Variants in BID observed in about 807,000 individuals in gnomAD.
BID encodes the protein BH3-interacting domain death agonist.
Under a neutral mutation model 17.4 loss-of-function variants are expected in BID, and 19 were observed. That is an observed-to-expected ratio of 1.09 (90% CI 0.76 to 1.60). The LOEUF is 1.60. BID is among the 40% of genes most tolerant of loss of function. BID has a pLI of 0.00. For missense variants in BID, 226 were observed against 256.0 expected, an observed-to-expected ratio of 0.88 and a Z score of 0.80; for synonymous variants, 108 against 102.8, an observed-to-expected ratio of 1.05 and a Z score of -0.31.
At chr22:17,740,334 G>GATTAC in intron 3 of BID, 3 of 671,360 alleles carry the variant, frequency 4.5e-6, no homozygotes, top group Non-Finnish European at 5.3e-6. Flanking sequence ...AGTGCTTTGG[G>GATTAC]AGGCTGAGGA....
rs738096 is a variant in BID at position 17,773,177 on chromosome 22, C to T, written c.-59+1204G>A. The stretch of plus-strand genomic sequence containing the variant: ...AGGGGCAGGGACGCACACCCTGGGC[C>T]GCAGGCAGAGGCTTGGCCAGGGTCG... On this transcript the variant is annotated intron_variant, in intron 1 of 5. Transcript: ENST00000622694. This position sits in a 1 kb window ranked among gnomAD's most constrained non-coding sequence, Gnocchi z 4.4. 0.14 allele frequency among the ~76,000 whole-genome samples: 20,953 copies of T among 152,094 alleles called. 2,098 individuals are homozygous for T. Among genetic ancestry groups the T allele is most frequent in the East Asian group, 0.44 (2,291 of 5,154 alleles).
intron 5 of BID, among the ~76,000 whole-genome samples, chr22:17,736,052 T>G (rs567606422): frequency 2.0e-5 from 3 of 152,230 alleles, no homozygotes; most frequent in Admixed American, 2.0e-4. Context: ...AATGCTTGTA[T>G]AACTGAAGAC....
chr22:17,747,719 C>T (rs192810685), intron 2 of BID, among the ~76,000 whole-genome samples: 127 of 152,278 alleles, frequency 8.3e-4, no homozygotes, highest in African/African-American at 3.0e-3. Context: ...GTAAATCCTG[C>T]AAGACATGTT....
rs138174245 is a variant in BID, at chr22:17,755,421, T to C, written c.-58-5247A>G. On this transcript the variant is annotated intron_variant, in intron 1 of 5. Coordinates refer to ENST00000622694, the MANE Select transcript of BID (RefSeq NM_001196.4). ...TGCCATTTGGGTCAGGGCTGAAGAATGCCCAAGAATTAATCAGAAAAGGAG... is the reference window on the plus strand; with the variant it reads ...TGCCATTTGGGTCAGGGCTGAAGAACGCCCAAGAATTAATCAGAAAAGGAG... Among the ~76,000 whole-genome samples the C allele has an allele frequency of 4.0e-3, 613 of 152,328 alleles. 2 individuals carry two copies. The highest frequency in any genetic ancestry group is 6.1e-3 in the Non-Finnish European group (416 of 68,038).
chr22:17,755,086 T>TC (rs2061572221), intron 1 of BID, among the ~76,000 whole-genome samples: 3 of 21,856 alleles, frequency 1.4e-4, no homozygotes, highest in African/African-American at 4.6e-4. Context: ...TCTTTTCTTT[T>TC]TTTTTTTTTT....
chr22:17,736,960 C>A (rs764908896), intron 5 of BID, among the ~76,000 whole-genome samples: 1 of 151,606 alleles, frequency 6.6e-6, no homozygotes, highest in Non-Finnish European at 1.5e-5. Context: ...CCCGCCACCA[C>A]ACCCAGCTAA....
rs755987633 is a variant in BID at position 17,773,659 on chromosome 22, G to A, written c.-59+722C>T. On this transcript the variant is annotated intron_variant, in intron 1 of 5. Coordinates refer to ENST00000622694, the MANE Select transcript of BID (RefSeq NM_001196.4). The surrounding 1 kb of genome is among the most constrained non-coding windows in gnomAD (Gnocchi z 4.4). Reference sequence around the variant, plus strand: ...CCGGCCCGGCCCCTCGCTGCCCACCGAGCCATCATGACCCCAGCACCGCTG... The same window carrying A: ...CCGGCCCGGCCCCTCGCTGCCCACCAAGCCATCATGACCCCAGCACCGCTG... The A allele has an allele frequency of 2.6e-5, 42 of 1,611,340 alleles. No homozygotes were observed. In the Admixed American group the frequency reaches 6.0e-4, roughly 23 times the overall value.
In BID at chr22:17,744,387, C is replaced by T. The variant is rs117263883; in HGVS notation, c.13-374G>A. Among the ~76,000 whole-genome samples, 883 of 152,366 alleles carry T rather than the reference C, an allele frequency of 5.8e-3. 3 individuals are homozygous for T. The highest frequency in any genetic ancestry group is 9.3e-3 in the Non-Finnish European group (634 of 68,030). On this transcript the variant is annotated intron_variant, in intron 2 of 5. Coordinates refer to ENST00000622694, the MANE Select transcript of BID (RefSeq NM_001196.4). Reference sequence around the variant, plus strand: ...CATCATCCGCCATCCTGTGCTGGCACGCTTTCTTCAAGTTCCCCTGCAGGC... The same window carrying T: ...CATCATCCGCCATCCTGTGCTGGCATGCTTTCTTCAAGTTCCCCTGCAGGC...
intron 5 of BID, among the ~76,000 whole-genome samples, chr22:17,737,222 T>G (rs1171068562): frequency 6.6e-6 from 1 of 152,132 alleles, no homozygotes; most frequent in African/African-American, 2.4e-5. Context: ...ATCGCTGGGA[T>G]TACAGGCTTG....
rs1301995094 is a variant in BID at position 17,735,190 on chromosome 22, TAATAAACAG to T, written c.*381_*389del. On this transcript the variant is annotated 3_prime_UTR_variant, in exon 6 of 6. Coordinates refer to ENST00000622694, the MANE Select transcript of BID (RefSeq NM_001196.4). ...AAGACCATCCTCTATGGTTGTACTT[TAATAAACAG>T]TAATTTTTTTTTACCAAAAAAATTG... The T allele has an allele frequency of 1.1e-4, 25 of 218,524 alleles. No homozygotes were observed. The South Asian group carries it at 1.5e-3, about 13-fold the overall frequency. The allele number at this position is 218,524 out of a possible 1,614,324, so 13.5% of individuals were successfully genotyped here.
Position 17,743,848 on chromosome 22 carries a change from C to A in BID, c.178G>T (p.Asp60Tyr). Residue 60 changes from aspartate to tyrosine, a missense_variant, in exon 3 of 6, where the codon GAT becomes TAT. Physicochemically the swap from Asp to Tyr is radical, Grantham distance 160. Coordinates refer to ENST00000622694, the MANE Select transcript of BID (RefSeq NM_001196.4). The stretch of plus-strand genomic sequence containing the variant: ...CGGGAGTGGCTGCTGCGGTTGCCAT[C>A]AGTCTGCAGCTCATCGTAGCCCTCC... ...QWEGYDELQT[D>Y]GNRSSHSRLG... 6.2e-7 allele frequency: 1 copy of A among 1,612,818 alleles called. No individual in the cohort carries two copies. The highest frequency in any genetic ancestry group is 8.5e-7 in the Non-Finnish European group (1 of 1,179,794).
rs2061412968 is a variant in BID, at chr22:17,735,516, G to A, written c.*64C>T. 2 of 1,604,832 alleles carry A rather than the reference G, an allele frequency of 1.2e-6. No individual in the cohort carries two copies. The highest frequency in any genetic ancestry group is 1.1e-5 in the South Asian group (1 of 90,854). ...GACATGCCAGGGCTCCGTCTACACT[G>A]GAAGCAGCTATACAGCTGTGACCAC... is the stretch of plus-strand genomic sequence containing the variant. On this transcript the variant is annotated 3_prime_UTR_variant, in exon 6 of 6. Coordinates refer to ENST00000622694, the MANE Select transcript of BID (RefSeq NM_001196.4).
chr22:17,767,490 C>G (rs1030756896), intron 1 of BID, among the ~76,000 whole-genome samples: 9 of 152,220 alleles, frequency 5.9e-5, no homozygotes, highest in Admixed American at 5.2e-4. Flanking sequence ...GTCCCTGGAC[C>G]AGGTGTCAAA....
intron 1 of BID, among the ~76,000 whole-genome samples, chr22:17,754,772 G>T (rs1569046424): frequency 6.6e-6 from 1 of 151,816 alleles, no homozygotes; most frequent in African/African-American, 2.4e-5. Flanking sequence ...TTTTGTTTGT[G>T]TTTTTTTTGG....
intron 2 of BID, among the ~76,000 whole-genome samples, chr22:17,748,126 A>G (rs1027864141): frequency 1.2e-4 from 17 of 138,798 alleles, no homozygotes; most frequent in South Asian, 2.3e-4. Flanking sequence ...GGAGAATGGC[A>G]TGAACTTGGG....
At chr22:17,756,812 G>A (rs139662689) in intron 1 of BID, among the ~76,000 whole-genome samples, 8 of 151,978 alleles carry the variant, frequency 5.3e-5, no homozygotes, top group East Asian at 2.0e-4. Flanking sequence ...CTGACCTTGC[G>A]ATCCGCCCCC....
At position 17,756,373 on chromosome 22, in the gene BID, G is replaced by A. The variant is rs920116844; in HGVS notation, c.-58-6199C>T. Reference sequence around the variant, plus strand: ...GTTTTCCACTGGGCAAAGTTCAGTCGCATTTCTTTCTGTTCTCTTTCTTTC... The same window carrying A: ...GTTTTCCACTGGGCAAAGTTCAGTCACATTTCTTTCTGTTCTCTTTCTTTC... On this transcript the variant is annotated intron_variant, in intron 1 of 5. Coordinates refer to ENST00000622694, the MANE Select transcript of BID (RefSeq NM_001196.4). 5.3e-5 allele frequency among the ~76,000 whole-genome samples: 8 copies of A among 151,752 alleles called. No individual in the cohort carries two copies. In the East Asian group the frequency reaches 5.8e-4, roughly 11 times the overall value.
At chr22:17,762,923 C>T (rs1477455741) in intron 1 of BID, among the ~76,000 whole-genome samples, 2 of 152,148 alleles carry the variant, frequency 1.3e-5, no homozygotes. Flanking sequence ...GTCACCCAGG[C>T]TGGAGTGCAA....
intron 1 of BID, among the ~76,000 whole-genome samples, chr22:17,752,712 C>G (rs1000450741): frequency 2.5e-4 from 38 of 151,780 alleles, no homozygotes; most frequent in African/African-American, 8.5e-4. Flanking sequence ...GTCGCCCAGG[C>G]TGGAGTGCAG....
Sources: gnomAD v4.1 joint callset for allele counts (sites outside exome capture counted in the v4.1 genomes callset) on GRCh38, gnomAD v4.1.1 for gene constraint, Gnocchi (gnomAD v3.1) non-coding constraint, MANE v1.5 for transcripts, NCBI Gene and HGNC (gene_info 2026-07-23, HGNC 2026-07-21) for gene names.